Variants in SLC23A2 observed in about 807,000 individuals in gnomAD.
SLC23A2 encodes Na(+)/L-ascorbic acid transporter 2.
A neutral mutation model predicts 73.3 loss-of-function variants in SLC23A2; 36 were observed. The observed-to-expected ratio is 0.49, with a 90% CI of 0.38 to 0.65. SLC23A2 has a LOEUF of 0.65. Ranked by LOEUF, SLC23A2 falls within the 30% of genes least tolerant of loss-of-function variation. SLC23A2 has a pLI of 0.00. For synonymous variants in SLC23A2, 343 were observed against 327.3 expected (o/e 1.05, Z -0.52); for missense variants, 507 against 841.6 (o/e 0.60, Z 4.92).
Position 4,988,843 on chromosome 20 carries a change from G to A in SLC23A2, c.-282+12563C>T, listed in dbSNP as rs556556700. 4.7e-4 allele frequency among the ~76,000 whole-genome samples: 72 copies of A among 151,988 alleles called. 1 individual carries two copies. The highest frequency in any genetic ancestry group is 7.9e-4 in the Admixed American group (12 of 15,230). ...AGGAGAAGCGCTTGAACCTGGAGGT[G>A]GAAGTTGCAGTGAGCCAAGATTGCG... On this transcript the variant is annotated intron_variant, in intron 1 of 16. Transcript: ENST00000338244.
chr20:4,899,734 G>T lies in SLC23A2; in HGVS notation c.325-22C>A. The T allele has an allele frequency of 6.2e-7, 1 of 1,612,072 alleles. No homozygotes were observed. The highest frequency in any genetic ancestry group is 1.7e-5 in the Admixed American group (1 of 59,974). On this transcript the variant is annotated intron_variant, in intron 5 of 16. Coordinates refer to ENST00000338244, the MANE Select transcript of SLC23A2 (RefSeq NM_005116.6). The surrounding 1 kb of genome is among the most constrained non-coding windows in gnomAD (Gnocchi z 4.9). ...AGTGCTGTGGGCAGGAAAAGGGTCA[G>T]AGGAGAAACAGTAAACCCTTCCTCA...
At chr20:5,004,696 A>T (rs6053030), upstream of SLC23A2, among the ~76,000 whole-genome samples, 65,963 of 150,714 alleles carry the variant, frequency 0.44, 15,843 homozygotes, top group African/African-American at 0.66. Flanking sequence ...ATAAATAAAT[A>T]AATTAATTAA....
chr20:4,937,232 G>A (rs1002063578), intron 2 of SLC23A2, among the ~76,000 whole-genome samples: 2 of 152,096 alleles, frequency 1.3e-5, no homozygotes, highest in East Asian at 1.9e-4. Context: ...GGGGAGAGGT[G>A]AGGGAAGAGT....
intron 3 of SLC23A2, among the ~76,000 whole-genome samples, chr20:4,930,520 T>TA (rs1568629362): frequency 6.6e-6 from 1 of 152,152 alleles, no homozygotes; most frequent in Non-Finnish European, 1.5e-5. Flanking sequence ...TCAATGTACT[T>TA]AAAAAATGCC....
At chr20:4,859,176 G>A in intron 16 of SLC23A2, 113 bp downstream of exon 16, 1 of 694,692 alleles carries the variant, frequency 1.4e-6, no homozygotes. Flanking sequence ...TATAACCAGT[G>A]ATGGCTTTGA....
chr20:4,908,285 C>T (rs1390667944), intron 4 of SLC23A2, among the ~76,000 whole-genome samples: 1 of 152,118 alleles, frequency 6.6e-6, no homozygotes, highest in Non-Finnish European at 1.5e-5. Flanking sequence ...TGCAGCCTCA[C>T]TAATGAAAAA....
intron 9 of SLC23A2, among the ~76,000 whole-genome samples, chr20:4,876,662 C>T (rs924554166): frequency 1.2e-4 from 19 of 152,210 alleles, no homozygotes; most frequent in African/African-American, 1.2e-4. Flanking sequence ...TAAAATGTTA[C>T]GCAAGTAATA....
At chr20:4,931,204 G>T (rs911455159) in intron 3 of SLC23A2, among the ~76,000 whole-genome samples, 1 of 151,668 alleles carries the variant, frequency 6.6e-6, no homozygotes, top group Non-Finnish European at 1.5e-5. Context: ...TATTAGCTGA[G>T]CATGGTGGCA....
intron 4 of SLC23A2, among the ~76,000 whole-genome samples, chr20:4,911,383 C>T (rs575357645): frequency 1.3e-5 from 2 of 152,272 alleles, no homozygotes; most frequent in Non-Finnish European, 2.9e-5. Context: ...ATATCCCAGA[C>T]TGGAATTTTG....
At chr20:4,993,005 G>A (rs541588057) in intron 1 of SLC23A2, among the ~76,000 whole-genome samples, 4 of 151,958 alleles carry the variant, frequency 2.6e-5, no homozygotes, top group East Asian at 2.0e-4. Context: ...TCAGCCTGGC[G>A]CAGTGGCTCA....
chr20:4,864,230 A>T (rs1396915340), intron 13 of SLC23A2, among the ~76,000 whole-genome samples: 4 of 152,234 alleles, frequency 2.6e-5, no homozygotes, highest in Admixed American at 2.0e-4. Context: ...ATTAAGTAAA[A>T]TGAGACAAAA....
At chr20:4,999,105 C>G (rs796966043) in intron 1 of SLC23A2, among the ~76,000 whole-genome samples, 2 of 152,140 alleles carry the variant, frequency 1.3e-5, no homozygotes, top group African/African-American at 4.8e-5. Flanking sequence ...ATGCCCAGCC[C>G]CGGCCTACTG....
At chr20:4,907,939 A>G (rs1250838324) in intron 4 of SLC23A2, among the ~76,000 whole-genome samples, 1 of 148,596 alleles carries the variant, frequency 6.7e-6, no homozygotes, top group African/African-American at 2.4e-5. Context: ...GATGGAAAGG[A>G]AAAAAAATAC....
chr20:4,887,222 T>C (rs1931137659), intron 6 of SLC23A2, among the ~76,000 whole-genome samples: 1 of 152,152 alleles, frequency 6.6e-6, no homozygotes, highest in Admixed American at 6.5e-5. Context: ...GCCCAGAGGA[T>C]AGCGGAAGTG....
Position 4,862,375 on chromosome 20 carries a change from C to G in SLC23A2, c.1487-290G>C, listed in dbSNP as rs145590393. On this transcript the variant is annotated intron_variant, in intron 14 of 16. Coordinates refer to ENST00000338244, the MANE Select transcript of SLC23A2 (RefSeq NM_005116.6). This position sits in a 1 kb window ranked among gnomAD's most constrained non-coding sequence, Gnocchi z 5.1. Reference sequence around the variant, plus strand: ...GACATTGGTTCTCTCTCTACACAAACATTTTGATTAAACAGGGAGACCTAC... The same window carrying G: ...GACATTGGTTCTCTCTCTACACAAAGATTTTGATTAAACAGGGAGACCTAC... Among the ~76,000 whole-genome samples the G allele has an allele frequency of 0.012, 1,774 of 152,322 alleles. 37 individuals carry two copies. Among genetic ancestry groups the G allele is most frequent in the African/African-American group, 0.041 (1,698 of 41,560 alleles).
rs758041566 is a variant in SLC23A2, at chr20:4,931,068, G to GAA, written c.108+1385_108+1386dup. On this transcript the variant is annotated intron_variant, in intron 3 of 16. Transcript: ENST00000338244. Reference sequence around the variant, plus strand: ...CTTAAAATAACTGTTATTTTTTTAAGAAAAAAAAAAAAAAAAAAAAAAAAG... The same window carrying GAA: ...CTTAAAATAACTGTTATTTTTTTAAGAAAAAAAAAAAAAAAAAAAAAAAAAAG... Among the ~76,000 whole-genome samples, 737 of 75,044 alleles carry GAA rather than the reference G, an allele frequency of 9.8e-3. 30 individuals are homozygous for GAA. Among genetic ancestry groups the GAA allele is most frequent in the Non-Finnish European group, 0.015 (573 of 38,626 alleles). The allele number at this position is 75,044 out of a possible 152,430, so 49.2% of individuals were successfully genotyped here.
chr20:4,897,101 C>T (rs542329752), intron 6 of SLC23A2, among the ~76,000 whole-genome samples: 14 of 152,318 alleles, frequency 9.2e-5, no homozygotes, highest in East Asian at 7.7e-4. Flanking sequence ...GTCACCATTG[C>T]GCCCCACAAT....
At chr20:5,005,047 T>C (rs2088176494), upstream of SLC23A2, among the ~76,000 whole-genome samples, 1 of 138,546 alleles carries the variant, frequency 7.2e-6, no homozygotes, top group Admixed American at 7.4e-5. Flanking sequence ...AAAAATTTAA[T>C]AGCTAAATAA....
At chr20:4,922,644 T>C (rs1932534185) in intron 3 of SLC23A2, among the ~76,000 whole-genome samples, 1 of 151,920 alleles carries the variant, frequency 6.6e-6, no homozygotes, top group Admixed American at 6.6e-5. Flanking sequence ...CTGGCCAACA[T>C]GGTAAAATCC....
Sources: allele counts gnomAD v4.1 joint callset (sites outside exome capture counted in the v4.1 genomes callset), GRCh38; gene constraint gnomAD v4.1.1; non-coding constraint Gnocchi (gnomAD v3.1); transcripts MANE v1.5; gene names NCBI Gene and HGNC (gene_info 2026-07-23, HGNC 2026-07-21).